TMC1: variants seen among roughly 807,000 people sequenced by gnomAD.
The protein encoded by TMC1 is transmembrane channel like 1, also known as transmembrane channel-like protein 1.
A neutral mutation model predicts 105.8 loss-of-function variants in TMC1; 84 were observed. The ratio of observed to expected loss-of-function variants is 0.79; its 90% CI spans 0.67 to 0.95. The LOEUF (loss-of-function observed/expected upper bound fraction) is 0.95, where lower values mean the gene tolerates loss of function less well. Among genes scored for constraint, TMC1 ranks in the 40% least tolerant of loss-of-function variants. TMC1 has a pLI of 0.00. For synonymous variants in TMC1, 315 were observed against 311.5 expected, an observed-to-expected ratio of 1.01 and a Z score of -0.12; for missense variants, 817 against 914.1, an observed-to-expected ratio of 0.89 and a Z score of 1.37.
At chr9:72,609,217 C>A (rs1247033505) in intron 2 of TMC1, among the ~76,000 whole-genome samples, 2 of 148,150 alleles carry the variant, frequency 1.3e-5, no homozygotes, top group African/African-American at 2.5e-5. Flanking sequence ...TCCTTCCTTC[C>A]TTCCTTCCTT....
At chr9:72,718,939 G>T (rs1564512140) in intron 8 of TMC1, among the ~76,000 whole-genome samples, 1 of 152,120 alleles carries the variant, frequency 6.6e-6, no homozygotes, top group Non-Finnish European at 1.5e-5. Flanking sequence ...TTCCCAGGAG[G>T]ATTATGGCTG....
chr9:72,830,398 T>A, intron 21 of TMC1, 53 bp from the exon 22 acceptor site: 1 of 1,212,232 alleles, frequency 8.2e-7, no homozygotes, highest in Non-Finnish European at 1.2e-6. Flanking sequence ...TTAAGAAGTA[T>A]CTTGGGGAAC....
intron 2 of TMC1, among the ~76,000 whole-genome samples, chr9:72,607,002 T>TATATATATATAGAGAGAGAG (rs372785242): frequency 2.2e-5 from 3 of 134,972 alleles, no homozygotes; most frequent in Non-Finnish European, 3.1e-5. Flanking sequence ...TATATATATA[T>TATATATATATAGAGAGAGAG]AGAGAGAGAG....
chr9:72,792,371 G>T lies in TMC1; in HGVS notation c.1566+19G>T, dbSNP rs369382761. 44 of 1,613,876 alleles carry T rather than the reference G, an allele frequency of 2.7e-5. No individual in the cohort carries two copies. The highest frequency in any genetic ancestry group is 3.3e-5 in the Non-Finnish European group (39 of 1,179,932). On this transcript the variant is annotated intron_variant, in intron 17 of 23. Coordinates refer to ENST00000297784, the MANE Select transcript of TMC1 (RefSeq NM_138691.3). ...GGGACAGGTAATGCCACCAACAGAAGTGTATGGCAATTAGTAGATTAAAAA... is the reference window on the plus strand; with the variant it reads ...GGGACAGGTAATGCCACCAACAGAATTGTATGGCAATTAGTAGATTAAAAA...
intron 23 of TMC1, among the ~76,000 whole-genome samples, chr9:72,831,233 G>A (rs1007399784): frequency 6.6e-6 from 1 of 152,110 alleles, no homozygotes; most frequent in Admixed American, 6.5e-5. Context: ...ACGGAAAGGT[G>A]ATACCTAAGA....
At chr9:72,620,421 AT>A (rs564023501) in intron 3 of TMC1, among the ~76,000 whole-genome samples, 7 of 149,098 alleles carry the variant, frequency 4.7e-5, no homozygotes, top group East Asian at 2.0e-4. Flanking sequence ...TAAAAAAAGA[AT>A]TTTTTTTTTG....
At chr9:72,731,377 A>G (rs1827209956) in intron 8 of TMC1, among the ~76,000 whole-genome samples, 2 of 152,214 alleles carry the variant, frequency 1.3e-5, no homozygotes, top group African/African-American at 4.8e-5. Context: ...GAAAGAAAGG[A>G]TCAGGAAAGG....
chr9:72,717,499 G>T (rs949243751), intron 8 of TMC1, among the ~76,000 whole-genome samples: 5 of 152,110 alleles, frequency 3.3e-5, no homozygotes, highest in Admixed American at 6.5e-5. Flanking sequence ...GTGCTGGCTT[G>T]GTAGTGGCAA....
At chr9:72,575,450 G>A (rs1312239183) in intron 1 of TMC1, among the ~76,000 whole-genome samples, 1 of 152,104 alleles carries the variant, frequency 6.6e-6, no homozygotes, top group Non-Finnish European at 1.5e-5. Flanking sequence ...CAAAGTGCTG[G>A]GATTACACGT....
chr9:72,765,791 C>T (rs544010683), intron 12 of TMC1, among the ~76,000 whole-genome samples: 11 of 152,290 alleles, frequency 7.2e-5, no homozygotes, highest in Non-Finnish European at 1.2e-4. Context: ...TATGTTCATG[C>T]TTCCTATGAG....
intron 17 of TMC1, among the ~76,000 whole-genome samples, chr9:72,802,614 A>G (rs972295226): frequency 6.6e-6 from 1 of 152,196 alleles, no homozygotes; most frequent in Admixed American, 6.5e-5. Context: ...TGAAGGCAGA[A>G]ATCAAGATGT....
intron 13 of TMC1, among the ~76,000 whole-genome samples, chr9:72,773,679 T>C (rs1827966147): frequency 6.6e-6 from 1 of 152,186 alleles, no homozygotes; most frequent in Non-Finnish European, 1.5e-5. Flanking sequence ...TGGGCTGAAG[T>C]CAGAGGTATC....
At chr9:72,754,143 C>T (rs1827634121) in intron 11 of TMC1, among the ~76,000 whole-genome samples, 2 of 152,060 alleles carry the variant, frequency 1.3e-5, no homozygotes, top group South Asian at 2.1e-4. Flanking sequence ...CAGTTCTCAC[C>T]AAGGCACCTT....
chr9:72,804,129 G>T (rs1269842910), intron 17 of TMC1, among the ~76,000 whole-genome samples: 1 of 152,072 alleles, frequency 6.6e-6, no homozygotes, highest in Non-Finnish European at 1.5e-5. Flanking sequence ...CACTAACACA[G>T]GAACAGAAAA....
intron 8 of TMC1, among the ~76,000 whole-genome samples, chr9:72,713,177 A>G (rs1826864294): frequency 6.6e-6 from 1 of 152,212 alleles, no homozygotes; most frequent in African/African-American, 2.4e-5. Context: ...TCAGTTTGCC[A>G]GTATTTTATT....
intron 13 of TMC1, among the ~76,000 whole-genome samples, chr9:72,775,920 TAGAATA>T (rs1344697610): frequency 4.6e-5 from 7 of 152,244 alleles, no homozygotes; most frequent in African/African-American, 1.7e-4. Flanking sequence ...TGGGAGCTAA[TAGAATA>T]AGAACTCACT....
intron 4 of TMC1, among the ~76,000 whole-genome samples, chr9:72,642,156 A>G (rs17058057): frequency 0.097 from 14,748 of 152,188 alleles, 862 homozygotes; most frequent in African/African-American, 0.15. Flanking sequence ...TTCACGAAGT[A>G]GATGAAATAA....
intron 1 of TMC1, among the ~76,000 whole-genome samples, chr9:72,550,521 G>A (rs1051516792): frequency 5.3e-5 from 8 of 152,048 alleles, no homozygotes; most frequent in Middle Eastern, 3.4e-3. Flanking sequence ...AGCAGGGCAA[G>A]CTGGCGGGCG....
At chr9:72,758,040 A>G (rs1361039503) in intron 12 of TMC1, among the ~76,000 whole-genome samples, 2 of 152,242 alleles carry the variant, frequency 1.3e-5, no homozygotes, top group African/African-American at 4.8e-5. Flanking sequence ...ATAGGATTAT[A>G]TAGTCATTAT....
Sources: gnomAD v4.1 joint callset for allele counts (sites outside exome capture counted in the v4.1 genomes callset) on GRCh38, gnomAD v4.1.1 for gene constraint, MANE v1.5 for transcripts, NCBI Gene and HGNC (gene_info 2026-07-23, HGNC 2026-07-21) for gene names.